The following LRTM1 variants were observed in gnomAD, a reference collection of about 807,000 sequenced individuals.
LRTM1 encodes leucine-rich repeat and transmembrane domain-containing protein 1.
A neutral mutation model predicts 32.4 loss-of-function variants in LRTM1; 38 were observed. That is an observed-to-expected ratio of 1.17 (90% CI 0.91 to 1.54). The LOEUF is 1.54. Ranked by LOEUF, LRTM1 falls within the 40% of genes most tolerant of loss-of-function variation. The pLI, the probability that LRTM1 is intolerant of heterozygous loss-of-function variation, is 0.00. For synonymous variants in LRTM1, 186 were observed against 169.9 expected (o/e 1.09, Z -0.74); for missense variants, 466 against 415.4 (o/e 1.12, Z -1.06).
chr3:54,929,851 C>G (rs1307529264), upstream of LRTM1, among the ~76,000 whole-genome samples: 2 of 152,132 alleles, frequency 1.3e-5, no homozygotes, highest in Non-Finnish European at 2.9e-5. Flanking sequence ...CAATGGCCCC[C>G]ATTAGCATTC....
chr3:54,949,268 C>G (rs368863634), intron 1 of LRTM1, among the ~76,000 whole-genome samples: 20 of 152,144 alleles, frequency 1.3e-4, no homozygotes, highest in African/African-American at 4.8e-4. Flanking sequence ...CCTACACATG[C>G]CACATGGACT....
At chr3:54,931,053 G>C (rs921383365), upstream of LRTM1, among the ~76,000 whole-genome samples, 19 of 152,284 alleles carry the variant, frequency 1.2e-4, no homozygotes, top group Non-Finnish European at 2.6e-4. Context: ...CCGAGATCGT[G>C]CCACTGTACT....
chr3:54,935,826 A>C (rs541317389), intron 1 of LRTM1, among the ~76,000 whole-genome samples: 2 of 152,220 alleles, frequency 1.3e-5, no homozygotes, highest in African/African-American at 4.8e-5. Flanking sequence ...GGTTTGTTCT[A>C]TATGAGTTCT....
At chr3:54,920,129 G>C (rs1700797046) in intron 2 of LRTM1, among the ~76,000 whole-genome samples, 1 of 152,212 alleles carries the variant, frequency 6.6e-6, no homozygotes, top group Non-Finnish European at 1.5e-5. Context: ...AGTACACACA[G>C]TAAGTGAATT....
chr3:54,928,422 C>G (rs1701090777), upstream of LRTM1, among the ~76,000 whole-genome samples: 2 of 152,132 alleles, frequency 1.3e-5, no homozygotes, highest in Admixed American at 1.3e-4. Context: ...TTGGGGGATG[C>G]TGGACGGGAC....
At chr3:54,936,710 C>T (rs1256659557) in intron 1 of LRTM1, among the ~76,000 whole-genome samples, 1 of 152,146 alleles carries the variant, frequency 6.6e-6, no homozygotes, top group Non-Finnish European at 1.5e-5. Flanking sequence ...TAGTAGGAGG[C>T]CCTCTTTCCC....
chr3:54,962,596 A>G lies in LRTM1; in HGVS notation c.-222+4332T>C, dbSNP rs115505654. Among the ~76,000 whole-genome samples the G allele has an allele frequency of 7.3e-3, 1,119 of 152,292 alleles. 14 individuals are homozygous for G. The highest frequency in any genetic ancestry group is 0.026 in the African/African-American group (1,069 of 41,558). On this transcript the variant is annotated intron_variant, in intron 1 of 2. Coordinates refer to the LRTM1 transcript ENST00000493075. Reference sequence around the variant, plus strand: ...CAGAAGCCAGAGCCGGTGCAACTCTATTGGTGGAGACAGAGAGGTAAAGTG... The same window carrying G: ...CAGAAGCCAGAGCCGGTGCAACTCTGTTGGTGGAGACAGAGAGGTAAAGTG...
chr3:54,918,868 C>T lies in LRTM1; in HGVS notation c.629G>A (p.Cys210Tyr). 1 of 1,554,112 alleles carries T rather than the reference C, an allele frequency of 6.4e-7. No individual in the cohort carries two copies. The highest frequency in any genetic ancestry group is 8.7e-7 in the Non-Finnish European group (1 of 1,148,720). ...TCCCTTCCAGGTGTCTGGTGATTCA[C>T]AGATGATGCCGTCTGTTAGTCCCCC... ...YKGGLTDGII[C>Y]ESPDTWKGKD... The change falls in exon 3 of 3, where the codon TGT becomes TAT. Residue 210 changes from cysteine (C) to tyrosine (Y), a missense_variant. By Grantham distance (194) the Cys-to-Tyr change is radical. Coordinates refer to ENST00000273286, the MANE Select transcript of LRTM1 (RefSeq NM_020678.4).
At chr3:54,918,984 T>C in intron 2 of LRTM1, 92 bp from the exon 3 acceptor site, 1 of 1,028,088 alleles carries the variant, frequency 9.7e-7, no homozygotes, top group South Asian at 2.8e-5. Context: ...CAGATGGAAT[T>C]TATGAAGTAC....
At chr3:54,927,806 A>G in intron 1 of LRTM1, 99 bp downstream of exon 1, 1 of 1,288,268 alleles carries the variant, frequency 7.8e-7, no homozygotes, top group Non-Finnish European at 1.1e-6. Context: ...CTTTTAAGAC[A>G]GACGACTTGA....
chr3:54,948,548 G>C (rs1701673837), intron 1 of LRTM1, among the ~76,000 whole-genome samples: 1 of 152,286 alleles, frequency 6.6e-6, no homozygotes, highest in East Asian at 1.9e-4. Context: ...TGCATGATCA[G>C]CTAACTCGGT....
intron 1 of LRTM1, among the ~76,000 whole-genome samples, chr3:54,942,193 T>G (rs1286079130): frequency 6.6e-6 from 1 of 152,202 alleles, no homozygotes; most frequent in African/African-American, 2.4e-5. Context: ...CAACCGTGTA[T>G]CTCTGCCCAG....
intron 1 of LRTM1, among the ~76,000 whole-genome samples, chr3:54,925,708 G>C (rs1044733020): frequency 6.6e-6 from 1 of 152,176 alleles, no homozygotes; most frequent in African/African-American, 2.4e-5. Flanking sequence ...GGAGCCAATA[G>C]CCATGTGTGG....
Position 54,918,890 on chromosome 3 carries a change from C to G in LRTM1, c.607G>C (p.Gly203Arg). ...TCACAGATGATGCCGTCTGTTAGTCCCCCTTTAAAAAACAAAAGCAAAGAA... is the reference window on the plus strand; with the variant it reads ...TCACAGATGATGCCGTCTGTTAGTCGCCCTTTAAAAAACAAAAGCAAAGAA... ...LWLEKFVYKG[G>R]LTDGIICESP... Residue 203 changes from glycine (G) to arginine (R), a missense_variant and splice_region_variant, in exon 3 of 3, where the codon GGA (glycine) becomes CGA (arginine). Physicochemically the swap from Gly to Arg is moderately radical, Grantham distance 125 (BLOSUM62 -2). Coordinates refer to ENST00000273286, the MANE Select transcript of LRTM1 (RefSeq NM_020678.4). The G allele has an allele frequency of 6.6e-7, 1 of 1,522,604 alleles. No homozygotes were observed. Among genetic ancestry groups the G allele is most frequent in the Non-Finnish European group, 8.8e-7 (1 of 1,135,374 alleles). The allele number at this position is 1,522,604 out of a possible 1,614,324, so 94.3% of individuals were successfully genotyped here. A position where few individuals can be genotyped will look rare whatever the true frequency, so the allele number is the denominator to read the frequency against.
intron 2 of LRTM1, among the ~76,000 whole-genome samples, chr3:54,919,265 A>G (rs1396739298): frequency 6.6e-6 from 1 of 152,268 alleles, no homozygotes; most frequent in Non-Finnish European, 1.5e-5. Flanking sequence ...TGAGCCCCAC[A>G]GACAAGAAAA....
chr3:54,939,909 C>T (rs1196790357), intron 1 of LRTM1, among the ~76,000 whole-genome samples: 1 of 152,134 alleles, frequency 6.6e-6, no homozygotes, highest in Non-Finnish European at 1.5e-5. Flanking sequence ...TAGAGCATGC[C>T]CTGGAAGAAA....
At chr3:54,945,332 C>T (rs1316524005) in intron 1 of LRTM1, among the ~76,000 whole-genome samples, 2 of 152,182 alleles carry the variant, frequency 1.3e-5, no homozygotes, top group African/African-American at 4.8e-5. Flanking sequence ...TCTGGCTCTC[C>T]GAGCCTTACT....
intron 1 of LRTM1, among the ~76,000 whole-genome samples, chr3:54,954,760 T>A (rs1701838815): frequency 6.6e-6 from 1 of 152,264 alleles, no homozygotes; most frequent in Admixed American, 6.5e-5. Context: ...TTCCTGTGTG[T>A]CCTCCCTTCC....
At position 54,925,065 on chromosome 3, in the gene LRTM1, C is replaced by G. The variant is rs372903003; in HGVS notation, c.158G>C (p.Arg53Pro). 1.2e-6 allele frequency: 2 copies of G among 1,614,000 alleles called. No individual in the cohort carries two copies. The highest frequency in any genetic ancestry group is 1.7e-6 in the Non-Finnish European group (2 of 1,179,994). ...EIPSHLPPQT[R>P]TLHLQDNQIH... The stretch of plus-strand genomic sequence containing the variant: ...CTGATTATCTTGTAAATGCAGCGTT[C>G]GAGTCTGAGGAGGTAAATGGGAAGG... The change falls in exon 2 of 3, where the codon CGA (arginine) becomes CCA (proline). Residue 53 changes from arginine to proline, a missense_variant. Physicochemically the swap from Arg to Pro is moderately radical, Grantham distance 103. Transcript: ENST00000273286.
Sources: gnomAD v4.1 joint callset for allele counts (sites outside exome capture counted in the v4.1 genomes callset) on GRCh38, gnomAD v4.1.1 for gene constraint, MANE v1.5 for transcripts, NCBI Gene and HGNC (gene_info 2026-07-23, HGNC 2026-07-21) for gene names.